Variants in FAM135A observed in about 807,000 individuals in gnomAD.
FAM135A encodes family with sequence similarity 135 member A.
In FAM135A, 79 loss-of-function variants were observed where a neutral mutation model predicts 146.8. The ratio of observed to expected loss-of-function variants is 0.54; its 90% CI spans 0.45 to 0.65. The LOEUF (loss-of-function observed/expected upper bound fraction) is 0.65, where lower values mean the gene tolerates loss of function less well. FAM135A is among the 30% of genes least tolerant of loss of function. The probability of loss-of-function intolerance (pLI) is 0.00; values close to 1 mark genes in which losing one functional copy is unlikely to be tolerated. For synonymous variants in FAM135A, 562 were observed against 603.6 expected (o/e 0.93, Z 1.01); for missense variants, 1,623 against 1,758.2 (o/e 0.92, Z 1.38).
chr6:70,425,158 T>C (rs1769780217), intron 2 of FAM135A, among the ~76,000 whole-genome samples: 1 of 151,152 alleles, frequency 6.6e-6, no homozygotes, highest in South Asian at 2.1e-4. Flanking sequence ...CTCTTTCTGA[T>C]GGCTAGTTAA....
At chr6:70,425,088 A>C (rs964127572) in intron 2 of FAM135A, among the ~76,000 whole-genome samples, 1 of 148,524 alleles carries the variant, frequency 6.7e-6, no homozygotes, top group Non-Finnish European at 1.5e-5. Flanking sequence ...TATATATTCT[A>C]TATATCTAAT....
intron 5 of FAM135A, among the ~76,000 whole-genome samples, chr6:70,459,742 A>AT (rs1779051997): frequency 6.6e-6 from 1 of 152,186 alleles, no homozygotes; most frequent in African/African-American, 2.4e-5. Flanking sequence ...TAAAAGATCA[A>AT]TTAGTCACCA....
At chr6:70,440,616 A>G (rs1369904574) in intron 4 of FAM135A, among the ~76,000 whole-genome samples, 2 of 152,208 alleles carry the variant, frequency 1.3e-5, no homozygotes, top group Non-Finnish European at 2.9e-5. Context: ...TGAACCTGGG[A>G]GGCAGAGGTT....
chr6:70,529,693 T>C (rs1011582368), intron 16 of FAM135A, among the ~76,000 whole-genome samples: 3 of 152,154 alleles, frequency 2.0e-5, no homozygotes, highest in African/African-American at 7.2e-5. Flanking sequence ...AAAGTTAACC[T>C]AACCTTGTTA....
intron 16 of FAM135A, among the ~76,000 whole-genome samples, chr6:70,530,842 T>C (rs867122418): frequency 4.6e-5 from 7 of 152,364 alleles, no homozygotes; most frequent in South Asian, 4.1e-4. Flanking sequence ...AAACTCTGTC[T>C]AGTTCAAGAC....
chr6:70,520,105 A>G lies in FAM135A; in HGVS notation c.1030-2408A>G, dbSNP rs539565857. On this transcript the variant is annotated intron_variant, in intron 12 of 21. Transcript: ENST00000418814. ...TTTTTTTAAGGACGGATATTTCTTC[A>G]TCACGTTCTCATCATTTCTTGTAAC... Among the ~76,000 whole-genome samples, 47 of 152,098 alleles carry G rather than the reference A, an allele frequency of 3.1e-4. No individual in the cohort carries two copies. The East Asian group carries it at 5.8e-3, about 19-fold the overall frequency.
chr6:70,542,692 C>T (rs1798161071), intron 20 of FAM135A, among the ~76,000 whole-genome samples: 1 of 152,140 alleles, frequency 6.6e-6, no homozygotes, highest in Admixed American at 6.6e-5. Flanking sequence ...CTTATGTCTC[C>T]AGGACTGATT....
At chr6:70,437,627 T>G (rs980258706) in intron 4 of FAM135A, among the ~76,000 whole-genome samples, 2 of 152,126 alleles carry the variant, frequency 1.3e-5, no homozygotes, top group African/African-American at 4.8e-5. Flanking sequence ...AAATACAGTC[T>G]CAGAAAATAT....
rs565361104 is a variant in FAM135A at position 70,499,053 on chromosome 6, C to G, written c.874-3583C>G. 2.0e-5 allele frequency among the ~76,000 whole-genome samples: 3 copies of G among 152,282 alleles called. No homozygotes were observed. In the East Asian group the frequency reaches 5.8e-4, roughly 29 times the overall value. On this transcript the variant is annotated intron_variant, in intron 11 of 21. Transcript: ENST00000418814. ...CTTGTTAATTGCCTGTCTCATTGAT[C>G]TGTCTAATATTGACAGTGGGGTTTT...
At chr6:70,554,589 G>A (rs1040672690) in intron 20 of FAM135A, among the ~76,000 whole-genome samples, 2 of 152,094 alleles carry the variant, frequency 1.3e-5, no homozygotes, top group African/African-American at 4.8e-5. Flanking sequence ...AGGAGTATAA[G>A]GTCCAGGTAC....
intron 4 of FAM135A, among the ~76,000 whole-genome samples, chr6:70,447,082 C>T (rs955607155): frequency 1.2e-4 from 18 of 152,152 alleles, no homozygotes; most frequent in South Asian, 2.1e-4. Flanking sequence ...TTAAATTGAG[C>T]GGGTTGAATT....
At chr6:70,457,791 A>C (rs1281180924) in intron 5 of FAM135A, among the ~76,000 whole-genome samples, 4 of 152,182 alleles carry the variant, frequency 2.6e-5, no homozygotes, top group Admixed American at 2.6e-4. Context: ...TTATTTACAA[A>C]GTAATGTTAT....
At chr6:70,428,503 C>A in intron 4 of FAM135A, 84 bp downstream of exon 4, 2 of 844,022 alleles carry the variant, frequency 2.4e-6, no homozygotes, top group Non-Finnish European at 3.5e-6. Context: ...TTTATTCCAG[C>A]ATATATAAGG....
chr6:70,445,735 G>A (rs150692944), intron 4 of FAM135A, among the ~76,000 whole-genome samples: 2,279 of 152,224 alleles, frequency 0.015, 52 homozygotes, highest in African/African-American at 0.051. Flanking sequence ...CCCTCATTCC[G>A]GTAAACCCAC....
At chr6:70,463,312 T>A (rs1444240797) in intron 5 of FAM135A, among the ~76,000 whole-genome samples, 2 of 151,804 alleles carry the variant, frequency 1.3e-5, no homozygotes, top group African/African-American at 4.8e-5. Context: ...TGCAGTGGTG[T>A]GATCATAGTT....
intron 9 of FAM135A, among the ~76,000 whole-genome samples, chr6:70,481,534 G>C (rs768982652): frequency 2.9e-4 from 44 of 152,066 alleles, no homozygotes; most frequent in Non-Finnish European, 5.3e-4. Context: ...TAGGGAGCCT[G>C]AGGCAGGTGA....
chr6:70,509,356 C>G (rs1790490303), intron 12 of FAM135A, among the ~76,000 whole-genome samples: 1 of 152,126 alleles, frequency 6.6e-6, no homozygotes, highest in Admixed American at 6.6e-5. Flanking sequence ...TGACTAACAT[C>G]TCTCTCACCT....
rs926859874 is a variant in FAM135A at position 70,502,117 on chromosome 6, A to G, written c.874-519A>G. ...TGACAATTCTGTAAAAGGATTACTC[A>G]CAAGTGAAGTAGAATCTAAGAACAT... On this transcript the variant is annotated intron_variant, in intron 11 of 21. Coordinates refer to ENST00000418814, the MANE Select transcript of FAM135A (RefSeq NM_001162529.3). 3.9e-5 allele frequency among the ~76,000 whole-genome samples: 6 copies of G among 152,348 alleles called. No individual in the cohort carries two copies. In the East Asian group the frequency reaches 1.2e-3, roughly 29 times the overall value.
chr6:70,437,328 C>G lies in FAM135A; in HGVS notation c.77+8909C>G, dbSNP rs930867818. 3.9e-5 allele frequency among the ~76,000 whole-genome samples: 6 copies of G among 152,020 alleles called. No homozygotes were observed. The East Asian group carries it at 1.2e-3, about 29-fold the overall frequency. ...GACGTTTCTTCATATTAATAAAGACCTTTTTTGGGGAAACAACAAGTGGGC... is the reference window on the plus strand; with the variant it reads ...GACGTTTCTTCATATTAATAAAGACGTTTTTTGGGGAAACAACAAGTGGGC... On this transcript the variant is annotated intron_variant, in intron 4 of 21. Transcript: ENST00000418814.
Sources: allele counts gnomAD v4.1 joint callset (sites outside exome capture counted in the v4.1 genomes callset), GRCh38; gene constraint gnomAD v4.1.1; transcripts MANE v1.5; gene names NCBI Gene and HGNC (gene_info 2026-07-23, HGNC 2026-07-21).